Variants in ALMS1 observed in about 807,000 individuals in gnomAD.
ALMS1 encodes the protein ALMS1 centrosome and basal body associated protein.
In ALMS1, 271 loss-of-function variants were observed where a neutral mutation model predicts 352.2. The observed-to-expected ratio is 0.77, with a 90% CI of 0.70 to 0.85. The LOEUF (loss-of-function observed/expected upper bound fraction) is 0.85. Ranked by LOEUF, ALMS1 falls within the 40% of genes least tolerant of loss-of-function variation. The pLI is 0.00. For missense variants in ALMS1, 5,445 were observed against 4,870.7 expected (o/e 1.12, Z -3.51); for synonymous variants, 1,865 against 1,761.2 (o/e 1.06, Z -1.48).
intron 10 of ALMS1, among the ~76,000 whole-genome samples, chr2:73,495,735 T>C (rs1673091201): frequency 1.3e-5 from 2 of 152,198 alleles, no homozygotes. Flanking sequence ...GTGTTTTAAA[T>C]CATGTGTCCA....
At chr2:73,531,258 C>T (rs1673904530) in intron 11 of ALMS1, among the ~76,000 whole-genome samples, 1 of 152,204 alleles carries the variant, frequency 6.6e-6, no homozygotes, top group Admixed American at 6.5e-5. Flanking sequence ...TGAATGCTTT[C>T]AGAATAAGCC....
chr2:73,581,771 C>A (rs1397670632), intron 16 of ALMS1, among the ~76,000 whole-genome samples: 1 of 148,830 alleles, frequency 6.7e-6, no homozygotes, highest in South Asian at 2.1e-4. Context: ...TTTTTTGAGA[C>A]GTAGTCTCTA....
At chr2:73,472,962 G>A (rs1572955115) in intron 9 of ALMS1, among the ~76,000 whole-genome samples, 1 of 152,044 alleles carries the variant, frequency 6.6e-6, no homozygotes, top group African/African-American at 2.4e-5. Context: ...TAAAAATTAG[G>A]ACAATGAATA....
Position 73,490,184 on chromosome 2 carries a change from G to A in ALMS1, c.8225G>A (p.Cys2742Tyr). ...GTTGGTGTTACTGAAGGTAGCCAGTGTACTGGAGCATCTGTGGGGGTATTT... is the reference window on the plus strand; with the variant it reads ...GTTGGTGTTACTGAAGGTAGCCAGTATACTGGAGCATCTGTGGGGGTATTT... ...VKVGVTEGSQ[C>Y]TGASVGVFNS... Residue 2742 changes from cysteine (C) to tyrosine (Y), a missense_variant, in exon 10 of 23, where the codon TGT becomes TAT. Transcript: ENST00000613296. 1.2e-6 allele frequency: 2 copies of A among 1,614,186 alleles called. No individual in the cohort carries two copies. The highest frequency in any genetic ancestry group is 2.2e-5 in the South Asian group (2 of 91,080).
intron 15 of ALMS1, among the ~76,000 whole-genome samples, chr2:73,565,520 G>C (rs1344483111): frequency 6.6e-6 from 1 of 152,138 alleles, no homozygotes; most frequent in African/African-American, 2.4e-5. Flanking sequence ...CCACCATCAG[G>C]GAGGTGGAAC....
intron 9 of ALMS1, chr2:73,456,729 A>G (rs1037466724): frequency 6.6e-6 from 1 of 152,192 alleles, no homozygotes; most frequent in African/African-American, 2.4e-5. Context: ...ATGCTTGTGA[A>G]AAACAAAATT....
In ALMS1 at chr2:73,451,367, C is replaced by T. The variant is rs1671934641; in HGVS notation, c.4840C>T (p.Pro1614Ser). Residue 1614 changes from proline (P) to serine (S), a missense_variant, in exon 8 of 23, where the codon CCT (proline) becomes TCT (serine). By Grantham distance (74) the Pro-to-Ser change is moderately conservative (BLOSUM62 -1). Transcript: ENST00000613296. ...TEKKTDIPAG[P>S]LGSSALGEKP... Reference sequence around the variant, plus strand: ...AAAAAAGACTGACATACCAGCAGGACCTTTAGGTTCCAGTGCACTTGGAGA... The same window carrying T: ...AAAAAAGACTGACATACCAGCAGGATCTTTAGGTTCCAGTGCACTTGGAGA... 8 of 1,613,772 alleles carry T rather than the reference C, an allele frequency of 5.0e-6. No individual in the cohort carries two copies. The highest frequency in any genetic ancestry group is 5.9e-6 in the Non-Finnish European group (7 of 1,179,910).
intron 15 of ALMS1, among the ~76,000 whole-genome samples, chr2:73,566,293 C>T (rs1674799263): frequency 2.0e-5 from 3 of 152,216 alleles, no homozygotes; most frequent in Admixed American, 2.0e-4. Context: ...CGTTACTGCT[C>T]TTGCACTTTG....
chr2:73,464,696 C>A (rs1672290112), intron 9 of ALMS1, among the ~76,000 whole-genome samples: 1 of 152,010 alleles, frequency 6.6e-6, no homozygotes, highest in Non-Finnish European at 1.5e-5. Context: ...TCTAGAAAAC[C>A]CCGTTGTCTC....
chr2:73,518,315 C>G (rs1673601790), intron 10 of ALMS1, among the ~76,000 whole-genome samples: 1 of 152,180 alleles, frequency 6.6e-6, no homozygotes, highest in Non-Finnish European at 1.5e-5. Flanking sequence ...TATATGGCTG[C>G]ATAGTATTCT....
At chr2:73,538,292 C>A (rs1456274688) in intron 12 of ALMS1, among the ~76,000 whole-genome samples, 1 of 152,118 alleles carries the variant, frequency 6.6e-6, no homozygotes, top group Admixed American at 6.6e-5. Context: ...AGCCAATAAA[C>A]ACCTGAAAAT....
intron 12 of ALMS1, among the ~76,000 whole-genome samples, chr2:73,545,639 A>G (rs1303185810): frequency 1.3e-5 from 2 of 152,240 alleles, no homozygotes; most frequent in Non-Finnish European, 2.9e-5. Flanking sequence ...AAACTTTAAG[A>G]TAGCATAAAC....
chr2:73,405,271 T>G (rs1670950878), intron 1 of ALMS1, among the ~76,000 whole-genome samples: 1 of 152,074 alleles, frequency 6.6e-6, no homozygotes, highest in Non-Finnish European at 1.5e-5. Context: ...TTGTTGTTGG[T>G]CTGTTGAGAT....
intron 12 of ALMS1, 35 bp downstream of exon 12, chr2:73,534,984 T>C (rs1236801334): frequency 6.2e-7 from 1 of 1,612,342 alleles, no homozygotes; most frequent in Non-Finnish European, 8.5e-7. Flanking sequence ...TTTTATTGTT[T>C]GATATTTTAT....
chr2:73,540,058 A>G (rs1674132611), intron 12 of ALMS1, among the ~76,000 whole-genome samples: 2 of 152,182 alleles, frequency 1.3e-5, no homozygotes, highest in African/African-American at 4.8e-5. Context: ...CAACTCCAAG[A>G]CACATAATTG....
Position 73,489,669 on chromosome 2 carries a change from A to G in ALMS1, c.7710A>G (p.Pro2570=), listed in dbSNP as rs750225944. 1.9e-6 allele frequency: 3 copies of G among 1,614,176 alleles called. No homozygotes were observed. Among genetic ancestry groups the G allele is most frequent in the Non-Finnish European group, 2.5e-6 (3 of 1,180,028 alleles). Residue 2570 remains proline, a synonymous_variant, in exon 10 of 23, where the codon CCA becomes CCG. Transcript: ENST00000613296. ...LQSPRGMGCK[P]EAVCSHIIIE... is the part of the protein sequence containing the mutation. ...GTCCACGGGGAATGGGATGCAAGCC[A>G]GAAGCTGTATGTAGTCACATTATTA...
intron 7 of ALMS1, among the ~76,000 whole-genome samples, chr2:73,441,840 G>T (rs1352432288): frequency 6.6e-6 from 1 of 151,564 alleles, no homozygotes; most frequent in African/African-American, 2.4e-5. Flanking sequence ...ATATCATTTT[G>T]TCAGGGACCA....
In ALMS1 at chr2:73,540,463, A is replaced by G. The variant is rs1007201330; in HGVS notation, c.9907+5514A>G. Among the ~76,000 whole-genome samples the G allele has an allele frequency of 3.6e-4, 55 of 152,366 alleles. 1 individual carries two copies. In the Middle Eastern group the frequency reaches 0.014, roughly 38 times the overall value. On this transcript the variant is annotated intron_variant, in intron 12 of 22. Transcript: ENST00000613296. ...AGGCTAGGAAGAAACTTCATCAATC[A>G]ACTAACGAGCAAAATAACCAGCTAA... is the stretch of plus-strand genomic sequence containing the variant.
At chr2:73,543,269 G>T (rs1674233519) in intron 12 of ALMS1, among the ~76,000 whole-genome samples, 2 of 152,182 alleles carry the variant, frequency 1.3e-5, no homozygotes, top group Non-Finnish European at 2.9e-5. Context: ...ATGGGGAAAG[G>T]ATTCCCTATT....
Sources: allele counts gnomAD v4.1 joint callset (sites outside exome capture counted in the v4.1 genomes callset), GRCh38; gene constraint gnomAD v4.1.1; transcripts MANE v1.5; gene names NCBI Gene and HGNC (gene_info 2026-07-23, HGNC 2026-07-21).